KIAA1614: variants seen among roughly 807,000 people sequenced by gnomAD.
KIAA1614 encodes KIAA1614.
A neutral mutation model predicts 88.7 loss-of-function variants in KIAA1614; 76 were observed. The observed-to-expected ratio is 0.86, with a 90% CI of 0.71 to 1.04. The LOEUF (loss-of-function observed/expected upper bound fraction) is 1.04, where lower values mean the gene tolerates loss of function less well. KIAA1614 is among the 50% of genes least tolerant of loss of function. The pLI, the probability that KIAA1614 is intolerant of heterozygous loss-of-function variation, is 0.00. For synonymous variants in KIAA1614, 714 were observed against 675.5 expected, an observed-to-expected ratio of 1.06 and a Z score of -0.88; for missense variants, 1,553 against 1,582.5, an observed-to-expected ratio of 0.98 and a Z score of 0.32.
At chr1:180,915,553 T>C (rs1336597596) in intron 1 of KIAA1614, among the ~76,000 whole-genome samples, 1 of 152,208 alleles carries the variant, frequency 6.6e-6, no homozygotes, top group Non-Finnish European at 1.5e-5. Flanking sequence ...ACTAGAACAC[T>C]ACTGAGACTT....
intron 3 of KIAA1614, among the ~76,000 whole-genome samples, chr1:180,918,707 G>T (rs906671734): frequency 6.6e-6 from 1 of 152,176 alleles, no homozygotes; most frequent in Non-Finnish European, 1.5e-5. Flanking sequence ...TTCTGCGGAG[G>T]GCAGAGGTCG....
At chr1:180,938,385 A>T (rs1008032263) in intron 5 of KIAA1614, among the ~76,000 whole-genome samples, 170 bp from the exon 6 acceptor site, 2 of 152,170 alleles carry the variant, frequency 1.3e-5, no homozygotes, top group African/African-American at 4.8e-5. Context: ...GTCATCTAAG[A>T]GGCCACCCCA....
At chr1:180,922,470 C>T (rs1325224299) in intron 3 of KIAA1614, among the ~76,000 whole-genome samples, 2 of 152,132 alleles carry the variant, frequency 1.3e-5, no homozygotes, top group Non-Finnish European at 2.9e-5. Context: ...CAGGCCCCTG[C>T]TGGGATTCCT....
intron 3 of KIAA1614, 53 bp downstream of exon 3, chr1:180,917,967 CTATT>C (rs1653857447): frequency 6.8e-7 from 1 of 1,475,474 alleles, no homozygotes; most frequent in Non-Finnish European, 9.5e-7. Flanking sequence ...CATGGTCCCT[CTATT>C]TACTCAGCAT....
Position 180,916,251 on chromosome 1 carries a change from C to G in KIAA1614, c.148C>G (p.Pro50Ala). ...PEPQLDNGHP[P>A]RPWPCPQENR... ...GCCACAGCTGGATAACGGACACCCC[C>G]CAAGACCCTGGCCTTGCCCTCAGGA... Residue 50 changes from proline to alanine, a missense_variant, in exon 2 of 9, where the codon CCA becomes GCA. Pro to Ala is a conservative substitution (Grantham distance 27). Coordinates refer to ENST00000367588, the MANE Select transcript of KIAA1614 (RefSeq NM_020950.2). The G allele has an allele frequency of 6.2e-7, 1 of 1,613,646 alleles. No individual in the cohort carries two copies. The highest frequency in any genetic ancestry group is 8.5e-7 in the Non-Finnish European group (1 of 1,179,980).
intron 4 of KIAA1614, among the ~76,000 whole-genome samples, chr1:180,929,532 C>G (rs978929014): frequency 5.3e-5 from 8 of 152,188 alleles, no homozygotes; most frequent in African/African-American, 1.9e-4. Context: ...TTTCATAATG[C>G]TACAGCCGTG....
Position 180,947,463 on chromosome 1 carries a change from G to C in KIAA1614, c.*1875G>C, listed in dbSNP as rs1654622463. ...GACTGGGAACGGCTGTGGAGATGGGGAGAGGGGAGAGGGGACAGGGGTTGG... is the reference window on the plus strand; with the variant it reads ...GACTGGGAACGGCTGTGGAGATGGGCAGAGGGGAGAGGGGACAGGGGTTGG... On this transcript the variant is annotated 3_prime_UTR_variant, in exon 9 of 9. Coordinates refer to ENST00000367588, the MANE Select transcript of KIAA1614 (RefSeq NM_020950.2). 1 of 152,272 alleles carries C rather than the reference G, an allele frequency of 6.6e-6. No individual in the cohort carries two copies. The highest frequency in any genetic ancestry group is 2.1e-4 in the South Asian group (1 of 4,832). 9.4% of individuals were successfully genotyped at this position (152,272 alleles called of 1,614,324 possible). A position where few individuals can be genotyped will look rare whatever the true frequency, so the allele number is the denominator to read the frequency against.
intron 4 of KIAA1614, among the ~76,000 whole-genome samples, chr1:180,933,134 A>G (rs1654239443): frequency 6.6e-6 from 1 of 152,018 alleles, no homozygotes; most frequent in African/African-American, 2.4e-5. Flanking sequence ...TGGAGCCCCC[A>G]TTGTCCATTG....
chr1:180,941,482 A>C (rs1374344841), intron 7 of KIAA1614, among the ~76,000 whole-genome samples, 197 bp downstream of exon 7: 3 of 152,086 alleles, frequency 2.0e-5, no homozygotes, highest in Non-Finnish European at 4.4e-5. Context: ...AGCTCCTCAC[A>C]CTGCTGTTCC....
chr1:180,944,517 G>A lies in KIAA1614; in HGVS notation c.3287+1G>A, dbSNP rs1654542475. On this transcript the variant is annotated splice_donor_variant, in intron 8 of 8. Coordinates refer to ENST00000367588, the MANE Select transcript of KIAA1614 (RefSeq NM_020950.2). LOFTEE classifies it high-confidence loss of function. ...CAGGGGACCACAGTGCAGCTGGCAG[G>A]TATGAGGGGCACACATGGTTTGGAG... The A allele has an allele frequency of 1.9e-6, 3 of 1,613,080 alleles. No individual in the cohort carries two copies. The highest frequency in any genetic ancestry group is 3.3e-5 in the Admixed American group (2 of 59,980).
chr1:180,933,883 T>C (rs1654255541), intron 4 of KIAA1614, among the ~76,000 whole-genome samples: 2 of 152,192 alleles, frequency 1.3e-5, no homozygotes, highest in South Asian at 4.1e-4. Flanking sequence ...GAAACATCAC[T>C]GTTGCCTTGT....
intron 3 of KIAA1614, among the ~76,000 whole-genome samples, chr1:180,926,783 A>G (rs1654080176): frequency 6.6e-6 from 1 of 152,264 alleles, no homozygotes; most frequent in South Asian, 2.1e-4. Context: ...CCCAGGGAGC[A>G]CAGCTGCTCT....
chr1:180,937,306 G>T (rs1165797804), intron 5 of KIAA1614, among the ~76,000 whole-genome samples: 1 of 152,242 alleles, frequency 6.6e-6, no homozygotes. Context: ...AGGACCCTGT[G>T]ACCAAGGGAA....
intron 4 of KIAA1614, among the ~76,000 whole-genome samples, chr1:180,930,547 G>C (rs3845419): frequency 0.19 from 29,639 of 152,194 alleles, 3,305 homozygotes; most frequent in Middle Eastern, 0.28. Context: ...AGGCATTTAG[G>C]TTAGGTCGGA....
intron 3 of KIAA1614, among the ~76,000 whole-genome samples, chr1:180,925,487 T>C (rs1052975477): frequency 1.3e-5 from 2 of 152,150 alleles, no homozygotes; most frequent in African/African-American, 4.8e-5. Flanking sequence ...TGTACCTGAG[T>C]TGAAAGGGTT....
intron 7 of KIAA1614, among the ~76,000 whole-genome samples, chr1:180,943,526 T>C (rs890677330): frequency 6.8e-6 from 1 of 146,438 alleles, no homozygotes; most frequent in African/African-American, 2.5e-5. Context: ...AGTAGTGGGA[T>C]TGTAGGATTG....
At chr1:180,942,070 C>A (rs957897446) in intron 7 of KIAA1614, among the ~76,000 whole-genome samples, 50 of 147,688 alleles carry the variant, frequency 3.4e-4, no homozygotes, top group Non-Finnish European at 5.5e-4. Flanking sequence ...CCCACCCCCC[C>A]AGCCCCGCTC....
At chr1:180,928,672 C>T in intron 4 of KIAA1614, 99 bp downstream of exon 4, 1 of 1,296,534 alleles carries the variant, frequency 7.7e-7, no homozygotes, top group Non-Finnish European at 1.1e-6. Flanking sequence ...CTGCTGCTCG[C>T]TCCATGTGTG....
rs1240796403 is a variant in KIAA1614 at position 180,916,882 on chromosome 1, C to G, written c.779C>G (p.Thr260Ser). ...GCAGATCTGGATAGCACATCCCTGA[C>G]CTCCGAGGAGGTCTTTGTCCCCAGG... is the stretch of plus-strand genomic sequence containing the variant. Reference protein sequence around the residue: ...TEADLDSTSLTSEEVFVPRTA... With the variant: ...TEADLDSTSLSSEEVFVPRTA... Residue 260 changes from threonine to serine, a missense_variant, in exon 2 of 9, where the codon ACC becomes AGC. Transcript: ENST00000367588. 8 of 1,614,236 alleles carry G rather than the reference C, an allele frequency of 5.0e-6. No homozygotes were observed. The highest frequency in any genetic ancestry group is 6.8e-6 in the Non-Finnish European group (8 of 1,180,048).
Sources: allele counts gnomAD v4.1 joint callset (sites outside exome capture counted in the v4.1 genomes callset), GRCh38; gene constraint gnomAD v4.1.1; transcripts MANE v1.5; gene names NCBI Gene and HGNC (gene_info 2026-07-23, HGNC 2026-07-21).